TRMU: variants seen among roughly 807,000 people sequenced by gnomAD.
TRMU encodes mitochondrial tRNA-specific 2-thiouridylase 1.
In TRMU, 49 loss-of-function variants were observed where a neutral mutation model predicts 46.9. The ratio of observed to expected loss-of-function variants is 1.05; its 90% confidence interval spans 0.83 to 1.33. The LOEUF (loss-of-function observed/expected upper bound fraction) is 1.33. Ranked by LOEUF, TRMU falls within the 40% of genes most tolerant of loss-of-function variation. The pLI is 0.00. For synonymous variants in TRMU, 241 were observed against 200.9 expected (o/e 1.20, Z -1.69); for missense variants, 572 against 532.4 (o/e 1.07, Z -0.73).
At chr22:46,343,696 C>T (rs563748799) in intron 3 of TRMU, among the ~76,000 whole-genome samples, 1 of 152,308 alleles carries the variant, frequency 6.6e-6, no homozygotes, top group East Asian at 1.9e-4. Flanking sequence ...TGTGGAACCT[C>T]CTGATACTGA....
intron 1 of TRMU, among the ~76,000 whole-genome samples, chr22:46,337,115 A>G (rs563231780): frequency 9.2e-5 from 14 of 152,186 alleles, no homozygotes; most frequent in African/African-American, 3.4e-4. Flanking sequence ...TTGTCATCAA[A>G]TTTCTGTTGT....
rs1351806487 is a variant in TRMU, at chr22:46,351,385, T to C, written c.652-736T>C. Reference sequence around the variant, plus strand: ...GAAGCCCGTGGGAGGGCCTTGGGGATGGAGGGCGAGGGCGCTGTGGGATGA... The same window carrying C: ...GAAGCCCGTGGGAGGGCCTTGGGGACGGAGGGCGAGGGCGCTGTGGGATGA... On this transcript the variant is annotated intron_variant, in intron 5 of 10. Transcript: ENST00000645190. The surrounding 1 kb of genome is among the most constrained non-coding windows in gnomAD (Gnocchi z 6.4). Among the ~76,000 whole-genome samples the C allele has an allele frequency of 6.6e-6, 1 of 152,082 alleles. No homozygotes were observed. The highest frequency in any genetic ancestry group is 1.9e-4 in the East Asian group (1 of 5,168).
chr22:46,356,048 T>G lies in TRMU; in HGVS notation c.1077T>G (p.Ala359=). The G allele has an allele frequency of 6.2e-7, 1 of 1,614,002 alleles. No individual in the cohort carries two copies. The highest frequency in any genetic ancestry group is 8.5e-7 in the Non-Finnish European group (1 of 1,179,974). Residue 359 remains alanine (A), a synonymous_variant, in exon 10 of 11, where the codon GCT becomes GCG. Transcript: ENST00000645190. The part of the protein sequence containing the change: ...DGTVWVTAVQ[A]VRALATGQFA... ...CCGTGTGGGTGACAGCTGTGCAGGC[T>G]GTGCGTGCCCTTGCCACAGGACAGG...
rs1338578851 is a variant in TRMU, at chr22:46,351,610, G to C, written c.652-511G>C. On this transcript the variant is annotated intron_variant, in intron 5 of 10. Transcript: ENST00000645190. The surrounding 1 kb of genome is among the most constrained non-coding windows in gnomAD (Gnocchi z 6.4). ...CAGGGATGGAAGGGCAGTCTTGAGA[G>C]ACACAAACCAGAGTAAACGATGCAG... is the stretch of plus-strand genomic sequence containing the variant. The C allele has an allele frequency of 9.0e-6, 2 of 222,592 alleles. No individual in the cohort carries two copies. The highest frequency in any genetic ancestry group is 1.8e-5 in the Non-Finnish European group (2 of 110,614). 13.8% of individuals were successfully genotyped at this position (222,592 alleles called of 1,614,324 possible). A position where few individuals can be genotyped will look rare whatever the true frequency, so the allele number is the denominator to read the frequency against.
rs1337808314 is a variant in TRMU at position 46,351,922 on chromosome 22, A to AG, written c.652-197dup. Reference sequence around the variant, plus strand: ...TCAGACCCCGCGGGCCGAGACAATGAGGCGTTCTCTAAGGCTCTGGCATCG... The same window carrying AG: ...TCAGACCCCGCGGGCCGAGACAATGAGGGCGTTCTCTAAGGCTCTGGCATCG... On this transcript the variant is annotated intron_variant, in intron 5 of 10. Transcript: ENST00000645190. This position sits in a 1 kb window ranked among gnomAD's most constrained non-coding sequence, Gnocchi z 6.4. The AG allele has an allele frequency of 3.5e-5, 25 of 718,232 alleles. No homozygotes were observed. Among genetic ancestry groups the AG allele is most frequent in the Non-Finnish European group, 6.0e-5 (24 of 397,012 alleles). The allele number at this position is 718,232 out of a possible 1,614,324, so 44.5% of individuals were successfully genotyped here.
At chr22:46,346,311 C>G in intron 3 of TRMU, 111 bp from the exon 4 acceptor site, 1 of 1,383,804 alleles carries the variant, frequency 7.2e-7, no homozygotes, top group Non-Finnish European at 9.7e-7. Context: ...TGTGCAGCCC[C>G]TCAGCCTAAG....
intron 2 of TRMU, among the ~76,000 whole-genome samples, chr22:46,343,056 A>T (rs1174763289): frequency 6.6e-6 from 1 of 152,224 alleles, no homozygotes; most frequent in African/African-American, 2.4e-5. Flanking sequence ...CCTGAGCCGT[A>T]GTGGCAGAGA....
At chr22:46,356,739 G>C (rs2078621801) in intron 10 of TRMU, 103 bp from the exon 11 acceptor site, 2 of 1,404,610 alleles carry the variant, frequency 1.4e-6, no homozygotes, top group East Asian at 4.6e-5. Flanking sequence ...TCAGTGCCTG[G>C]TGCTCCGAGC....
At chr22:46,354,277 C>T in intron 8 of TRMU, 1 of 279,142 alleles carries the variant, frequency 3.6e-6, no homozygotes, top group East Asian at 9.1e-5. Context: ...TCAAACCAAG[C>T]CTTCCACCAC....
chr22:46,356,009 C>T lies in TRMU; in HGVS notation c.1038C>T (p.Leu346=), dbSNP rs1462711929. 1.2e-6 allele frequency: 2 copies of T among 1,613,988 alleles called. No individual in the cohort carries two copies. The highest frequency in any genetic ancestry group is 3.3e-5 in the Admixed American group (2 of 60,024). ...QMALVPCVLT[L]NQDGTVWVTA... is the part of the protein sequence containing the mutation. The stretch of plus-strand genomic sequence containing the variant: ...ACCCAGTGCCCTGTGTGCTGACCCT[C>T]AATCAAGATGGCACCGTGTGGGTGA... The change falls in exon 10 of 11, where the codon CTC becomes CTT. Residue 346 remains leucine (L), a synonymous_variant. Transcript: ENST00000645190.
At chr22:46,356,215 GCCCT>G in intron 10 of TRMU, 143 bp downstream of exon 10, 5 of 836,760 alleles carry the variant, frequency 6.0e-6, no homozygotes, top group Non-Finnish European at 7.6e-6. Context: ...AGTGCCACCA[GCCCT>G]GCCCTGGGGG....
At chr22:46,356,713 C>G in intron 10 of TRMU, 129 bp from the exon 11 acceptor site, 2 of 1,151,528 alleles carry the variant, frequency 1.7e-6, no homozygotes, top group South Asian at 1.4e-5. Context: ...CAGCAAAACC[C>G]TGCTCCCCTG....
chr22:46,341,796 A>T (rs1003825137), intron 2 of TRMU, among the ~76,000 whole-genome samples: 1 of 152,226 alleles, frequency 6.6e-6, no homozygotes, highest in African/African-American at 2.4e-5. Context: ...GAATTAGGAT[A>T]GCCTGATCCA....
chr22:46,357,126 C>G lies in TRMU; in HGVS notation c.*120C>G. 1.4e-6 allele frequency: 2 copies of G among 1,441,574 alleles called. No homozygotes were observed. Among genetic ancestry groups the G allele is most frequent in the Non-Finnish European group, 1.9e-6 (2 of 1,055,276 alleles). 89.3% of individuals were successfully genotyped at this position (1,441,574 alleles called of 1,614,324 possible). On this transcript the variant is annotated 3_prime_UTR_variant, in exon 11 of 11. Coordinates refer to ENST00000645190, the MANE Select transcript of TRMU (RefSeq NM_018006.5). ...CCCAAAGCAGAGGAAGCCGGGCTGGCTGAGGGTCCGAAAAGCCTGCAGGGG... is the reference window on the plus strand; with the variant it reads ...CCCAAAGCAGAGGAAGCCGGGCTGGGTGAGGGTCCGAAAAGCCTGCAGGGG...
At chr22:46,346,206 G>GT (rs1197991523) in intron 3 of TRMU, among the ~76,000 whole-genome samples, 2 of 152,216 alleles carry the variant, frequency 1.3e-5, no homozygotes, top group African/African-American at 2.4e-5. Context: ...AAGTAGCAAG[G>GT]TTGTATCAGC....
chr22:46,338,836 G>T lies in TRMU; in HGVS notation c.248+892G>T, dbSNP rs1200084509. 6.6e-6 allele frequency among the ~76,000 whole-genome samples: 1 copy of T among 152,226 alleles called. No homozygotes were observed. The highest frequency in any genetic ancestry group is 6.5e-5 in the Admixed American group (1 of 15,286). On this transcript the variant is annotated intron_variant, in intron 2 of 10. Coordinates refer to ENST00000645190, the MANE Select transcript of TRMU (RefSeq NM_018006.5). This position sits in a 1 kb window ranked among gnomAD's most constrained non-coding sequence, Gnocchi z 4.5. ...TTGTCGAAGGCGTCTGACACAGCAG[G>T]CCATGTGCGCGGGACAGGCTGCCCC... is the stretch of plus-strand genomic sequence containing the variant.
chr22:46,356,229 G>T, intron 10 of TRMU, 157 bp downstream of exon 10: 1 of 732,250 alleles, frequency 1.4e-6, no homozygotes, highest in South Asian at 1.7e-5. Context: ...TGCCCTGGGG[G>T]CTCCTCCCAC....
Position 46,350,391 on chromosome 22 carries a change from G to A in TRMU, c.579G>A (p.Gly193=), listed in dbSNP as rs1294405938. Residue 193 remains glycine, a synonymous_variant, in exon 5 of 11, where the codon GGG becomes GGA. Coordinates refer to ENST00000645190, the MANE Select transcript of TRMU (RefSeq NM_018006.5). This position sits in a 1 kb window ranked among gnomAD's most constrained non-coding sequence, Gnocchi z 4.6. ...TGAGGAGAACCATCTTCCCTCTGGGGGGATTAACGAAAGAGTTTGTAAAGA... is the reference window on the plus strand; with the variant it reads ...TGAGGAGAACCATCTTCCCTCTGGGAGGATTAACGAAAGAGTTTGTAAAGA... The part of the protein sequence containing the change: ...DALRRTIFPL[G]GLTKEFVKKI... 1.9e-6 allele frequency: 3 copies of A among 1,614,178 alleles called. No individual in the cohort carries two copies. The highest frequency in any genetic ancestry group is 1.7e-5 in the Admixed American group (1 of 60,020).
chr22:46,344,764 C>T lies in TRMU; in HGVS notation c.355+1396C>T, dbSNP rs559738794. Among the ~76,000 whole-genome samples, 16 of 152,324 alleles carry T rather than the reference C, an allele frequency of 1.1e-4. No individual in the cohort carries two copies. In the East Asian group the frequency reaches 1.7e-3, roughly 17 times the overall value. On this transcript the variant is annotated intron_variant, in intron 3 of 10. Transcript: ENST00000645190. Reference sequence around the variant, plus strand: ...ATGACGCCCAGACTTCTGAACTCACCGCGCTTCTCAGAGGCATCCTGCGCT... The same window carrying T: ...ATGACGCCCAGACTTCTGAACTCACTGCGCTTCTCAGAGGCATCCTGCGCT...
Sources: gnomAD v4.1 joint callset for allele counts (sites outside exome capture counted in the v4.1 genomes callset) on GRCh38, gnomAD v4.1.1 for gene constraint, Gnocchi (gnomAD v3.1) non-coding constraint, MANE v1.5 for transcripts, NCBI Gene and HGNC (gene_info 2026-07-23, HGNC 2026-07-21) for gene names.